VSNL1: variants seen among roughly 807,000 people sequenced by gnomAD.
The protein encoded by VSNL1 is visinin like 1.
Under a neutral mutation model 20.4 loss-of-function variants are expected in VSNL1, and 6 were observed. The ratio of observed to expected loss-of-function variants is 0.29; its 90% confidence interval spans 0.16 to 0.58. The LOEUF (loss-of-function observed/expected upper bound fraction) is 0.58. Among genes scored for constraint, VSNL1 ranks in the 20% least tolerant of loss-of-function variants. VSNL1 has a pLI of 0.90. For missense variants in VSNL1, 100 were observed against 234.5 expected (o/e 0.43, Z 3.75); for synonymous variants, 93 against 86.4 (o/e 1.08, Z -0.42).
chr2:17,560,338 G>A (rs1301792343), intron 1 of VSNL1, among the ~76,000 whole-genome samples: 3 of 151,966 alleles, frequency 2.0e-5, no homozygotes, highest in East Asian at 1.9e-4. Context: ...TAAAAAAAGA[G>A]TGAGGGTAAG....
At chr2:17,630,947 A>G (rs771813577) in intron 2 of VSNL1, among the ~76,000 whole-genome samples, 48 of 152,126 alleles carry the variant, frequency 3.2e-4, no homozygotes, top group Admixed American at 1.3e-4. Context: ...ACGCCTGGCT[A>G]ATTTTTGTAT....
Position 17,655,462 on chromosome 2 carries a change from C to CACAT in VSNL1, c.*71_*72insTACA. The stretch of plus-strand genomic sequence containing the variant: ...CATTCAGTCTGCAGCTATTCACACA[C>CACAT]ACACACACACACACACACACACACA... On this transcript the variant is annotated 3_prime_UTR_variant, in exon 4 of 4. Transcript: ENST00000295156. The surrounding 1 kb of genome is among the most constrained non-coding windows in gnomAD (Gnocchi z 5.2). 1 of 751,872 alleles carries CACAT rather than the reference C, an allele frequency of 1.3e-6. No individual in the cohort carries two copies. The highest frequency in any genetic ancestry group is 2.1e-5 in the South Asian group (1 of 46,768). The allele number at this position is 751,872 out of a possible 1,614,324, so 46.6% of individuals were successfully genotyped here. A position where few individuals can be genotyped will look rare whatever the true frequency, so the allele number is the denominator to read the frequency against.
At chr2:17,562,231 T>C (rs1663833072) in intron 1 of VSNL1, among the ~76,000 whole-genome samples, 1 of 152,224 alleles carries the variant, frequency 6.6e-6, no homozygotes, top group Non-Finnish European at 1.5e-5. Context: ...ATTCATATTT[T>C]ATTAATAGTG....
intron 2 of VSNL1, among the ~76,000 whole-genome samples, chr2:17,630,490 G>T (rs1356590141): frequency 6.6e-6 from 1 of 152,222 alleles, no homozygotes; most frequent in Non-Finnish European, 1.5e-5. Context: ...AATGAATGTA[G>T]CAGCTCAAAG....
intron 1 of VSNL1, among the ~76,000 whole-genome samples, chr2:17,568,599 G>A (rs995271604): frequency 6.6e-5 from 10 of 152,126 alleles, no homozygotes; most frequent in Non-Finnish European, 1.2e-4. Context: ...TTGCATCCTA[G>A]TATGTTTGTT....
At chr2:17,584,484 A>G (rs1420792471) in intron 1 of VSNL1, among the ~76,000 whole-genome samples, 1 of 152,098 alleles carries the variant, frequency 6.6e-6, no homozygotes, top group African/African-American at 2.4e-5. Flanking sequence ...CTGGCCCCCA[A>G]GTTTCTAAGT....
intron 1 of VSNL1, among the ~76,000 whole-genome samples, chr2:17,585,749 T>G (rs62132080): frequency 1.3e-5 from 2 of 152,044 alleles, no homozygotes; most frequent in South Asian, 4.2e-4. Flanking sequence ...CAGAGGAGCC[T>G]ACAGGCAAAT....
At chr2:17,553,330 C>T (rs940674422) in intron 1 of VSNL1, among the ~76,000 whole-genome samples, 1 of 152,114 alleles carries the variant, frequency 6.6e-6, no homozygotes, top group East Asian at 1.9e-4. Flanking sequence ...AAATCTGTAA[C>T]TTTGAAATTA....
intron 2 of VSNL1, among the ~76,000 whole-genome samples, chr2:17,641,347 C>T (rs1192054412): frequency 6.6e-6 from 1 of 152,212 alleles, no homozygotes; most frequent in Admixed American, 6.5e-5. Flanking sequence ...CTTCAAAGAT[C>T]CTCACCACTT....
chr2:17,580,417 A>G (rs1664324153), intron 1 of VSNL1, among the ~76,000 whole-genome samples: 2 of 152,160 alleles, frequency 1.3e-5, no homozygotes, highest in South Asian at 4.1e-4. Flanking sequence ...TGTTGACCAC[A>G]AAACCAGCTA....
intron 1 of VSNL1, among the ~76,000 whole-genome samples, chr2:17,569,063 T>G (rs995531327): frequency 6.6e-6 from 1 of 152,186 alleles, no homozygotes; most frequent in African/African-American, 2.4e-5. Context: ...ATCACAGCAC[T>G]TTGGGAGGCC....
intron 2 of VSNL1, among the ~76,000 whole-genome samples, chr2:17,598,198 A>G (rs1664751491): frequency 6.6e-6 from 1 of 152,272 alleles, no homozygotes; most frequent in African/African-American, 2.4e-5. Context: ...ACTACGTGGA[A>G]TAAAAGGCAT....
At chr2:17,589,139 G>A (rs147087552) in intron 1 of VSNL1, among the ~76,000 whole-genome samples, 23 of 152,260 alleles carry the variant, frequency 1.5e-4, no homozygotes, top group African/African-American at 5.3e-4. Flanking sequence ...TAAAGAAGGG[G>A]AAGAAGTCTG....
intron 2 of VSNL1, among the ~76,000 whole-genome samples, chr2:17,630,382 T>C (rs1321090976): frequency 1.3e-5 from 2 of 152,230 alleles, no homozygotes; most frequent in African/African-American, 4.8e-5. Context: ...CAGTTCACAC[T>C]GCAGAAGCCT....
At chr2:17,637,348 T>C (rs934654890) in intron 2 of VSNL1, among the ~76,000 whole-genome samples, 2 of 152,126 alleles carry the variant, frequency 1.3e-5, no homozygotes, top group Admixed American at 6.5e-5. Context: ...AGGAGGCAGC[T>C]CCAGGGCTGC....
At chr2:17,625,686 T>G (rs1307551846) in intron 2 of VSNL1, among the ~76,000 whole-genome samples, 1 of 152,066 alleles carries the variant, frequency 6.6e-6, no homozygotes. Flanking sequence ...GGCGGGACAA[T>G]GTGTCAAGGA....
chr2:17,621,831 G>T (rs1466257163), intron 2 of VSNL1, among the ~76,000 whole-genome samples: 1 of 151,916 alleles, frequency 6.6e-6, no homozygotes, highest in Non-Finnish European at 1.5e-5. Flanking sequence ...GTAGAGACAG[G>T]GTCTTGCTAT....
intron 2 of VSNL1, among the ~76,000 whole-genome samples, chr2:17,620,503 C>T (rs182964735): frequency 6.2e-4 from 95 of 152,320 alleles, no homozygotes; most frequent in Non-Finnish European, 1.3e-3. Context: ...GCGCCTCCCA[C>T]GTGGAAGGCT....
At chr2:17,566,990 A>T (rs909707120) in intron 1 of VSNL1, among the ~76,000 whole-genome samples, 16 of 152,128 alleles carry the variant, frequency 1.1e-4, no homozygotes, top group Admixed American at 6.6e-4. Context: ...TCAGTACCAA[A>T]CTGTATTAAA....
Sources: gnomAD v4.1 joint callset for allele counts (sites outside exome capture counted in the v4.1 genomes callset) on GRCh38, gnomAD v4.1.1 for gene constraint, Gnocchi (gnomAD v3.1) non-coding constraint, MANE v1.5 for transcripts, NCBI Gene and HGNC (gene_info 2026-07-23, HGNC 2026-07-21) for gene names.